Variants in PLXNB2 observed in about 807,000 individuals in gnomAD.
PLXNB2 encodes plexin B2, also known as plexin-B2.
Under a neutral mutation model 202.6 loss-of-function variants are expected in PLXNB2, and 85 were observed. The ratio of observed to expected loss-of-function variants is 0.42; its 90% CI spans 0.35 to 0.50. The LOEUF is 0.50. PLXNB2 is among the 20% of genes least tolerant of loss of function. The pLI, the probability that PLXNB2 is intolerant of heterozygous loss-of-function variation, is 0.02. For synonymous variants in PLXNB2, 1,239 were observed against 1,137.6 expected (o/e 1.09, Z -1.79); for missense variants, 2,063 against 2,586.2 (o/e 0.80, Z 4.39).
chr22:50,283,525 C>CA (rs2066180672), intron 15 of PLXNB2, 77 bp downstream of exon 15: 5 of 1,561,222 alleles, frequency 3.2e-6, no homozygotes, highest in Non-Finnish European at 1.7e-6. Context: ...TCAGCCTCCC[C>CA]ACCCACCCAG....
chr22:50,283,787 A>G (rs766915119), intron 14 of PLXNB2, 37 bp from the exon 15 acceptor site: 31 of 1,612,558 alleles, frequency 1.9e-5, no homozygotes, highest in Non-Finnish European at 2.4e-5. Context: ...GGAGGGGCTC[A>G]TGCCAGGGAC....
chr22:50,279,675 G>T lies in PLXNB2; in HGVS notation c.4344C>A (p.Leu1448=), dbSNP rs149176335. ...DAVQKKAKYT[L]NDTGLLGDDV... Reference sequence around the variant, plus strand: ...CATCCCCCAGCAGCCCCGTGTCGTTGAGAGTGTACTTGGCCTTCTTCTGTA... The same window carrying T: ...CATCCCCCAGCAGCCCCGTGTCGTTTAGAGTGTACTTGGCCTTCTTCTGTA... The change falls in exon 27 of 37, where the codon CTC becomes CTA. Residue 1448 remains leucine, a synonymous_variant. Transcript: ENST00000359337. 1 of 1,614,016 alleles carries T rather than the reference G, an allele frequency of 6.2e-7. No homozygotes were observed. Among genetic ancestry groups the T allele is most frequent in the Non-Finnish European group, 8.5e-7 (1 of 1,179,978 alleles).
In PLXNB2 at chr22:50,288,269, G is replaced by A. The variant is rs2066615693; in HGVS notation, c.1381-232C>T. ...GGTCTTGGCTATGGTGTCTCCCGGG[G>A]CAGCTCCTGTCCTCTACACTGGCTC... On this transcript the variant is annotated intron_variant, in intron 5 of 36. Transcript: ENST00000359337. The surrounding 1 kb of genome is among the most constrained non-coding windows in gnomAD (Gnocchi z 5.0). Among the ~76,000 whole-genome samples, 1 of 152,132 alleles carries A rather than the reference G, an allele frequency of 6.6e-6. No homozygotes were observed. Among genetic ancestry groups the A allele is most frequent in the Admixed American group, 6.5e-5 (1 of 15,276 alleles).
rs2067143633 is a variant in PLXNB2, at chr22:50,294,845, G to A, written c.-73-67C>T. 5.0e-6 allele frequency: 4 copies of A among 802,694 alleles called. No individual in the cohort carries two copies. In the Admixed American group the frequency reaches 1.9e-4, roughly 38 times the overall value. 49.7% of individuals were successfully genotyped at this position (802,694 alleles called of 1,614,324 possible). A position where few individuals can be genotyped will look rare whatever the true frequency, so the allele number is the denominator to read the frequency against. On this transcript the variant is annotated intron_variant, in intron 1 of 36. Coordinates refer to ENST00000359337, the MANE Select transcript of PLXNB2 (RefSeq NM_012401.4). ...GTCTGCTGTGGAGCCCCCCACCTCT[G>A]TCCCATGCTGGTGGGGCTTGGGGGA...
At chr22:50,292,869 C>T (rs2066982230) in intron 2 of PLXNB2, among the ~76,000 whole-genome samples, 1 of 152,242 alleles carries the variant, frequency 6.6e-6, no homozygotes, top group Non-Finnish European at 1.5e-5. Context: ...CCTTCCTGCT[C>T]CCTGGGAGTG....
rs751131363 is a variant in PLXNB2, at chr22:50,289,048, C to A, written c.1163G>T (p.Gly388Val). 1 of 1,609,150 alleles carries A rather than the reference C, an allele frequency of 6.2e-7. No individual in the cohort carries two copies. Among genetic ancestry groups the A allele is most frequent in the Non-Finnish European group, 8.5e-7 (1 of 1,177,962 alleles). The change falls in exon 4 of 37, where the codon GGA (glycine) becomes GTA (valine). Residue 388 changes from glycine (G) to valine (V), a missense_variant. By Grantham distance (109) the Gly-to-Val change is moderately radical (BLOSUM62 -3). Transcript: ENST00000359337. The surrounding 1 kb of genome is among the most constrained non-coding windows in gnomAD (Gnocchi z 8.0). ...GLRGTAVLQRGGLNLTAVTVA... is the reference protein window; with the variant it reads ...GLRGTAVLQRVGLNLTAVTVA... Reference sequence around the variant, plus strand: ...CGTCACGGCCGTGAGGTTCAGGCCTCCACGCTGCAGCACGGCTGTGCCTCT... The same window carrying A: ...CGTCACGGCCGTGAGGTTCAGGCCTACACGCTGCAGCACGGCTGTGCCTCT...
Position 50,275,748 on chromosome 22 carries a change from G to T in PLXNB2, c.5473C>A (p.Gln1825Lys). Residue 1825 changes from glutamine to lysine, a missense_variant, in exon 37 of 37, where the codon CAG (glutamine) becomes AAG (lysine). Gln to Lys is a moderately conservative substitution (Grantham distance 53, BLOSUM62 1). Coordinates refer to ENST00000359337, the MANE Select transcript of PLXNB2 (RefSeq NM_012401.4). ...TTCTCCAGTGCAGCGGCAATCTGCT[G>T]CAGGCGGAAGGCCAGCTGCATCTTC... The part of the protein sequence containing the change: ...AQKMQLAFRL[Q>K]QIAAALENKV... 1 of 1,612,090 alleles carries T rather than the reference G, an allele frequency of 6.2e-7. No individual in the cohort carries two copies. Among genetic ancestry groups the T allele is most frequent in the South Asian group, 1.1e-5 (1 of 91,066 alleles).
At position 50,277,969 on chromosome 22, in the gene PLXNB2, C is replaced by G; in HGVS notation, c.4932G>C (p.Leu1644=). 2.5e-6 allele frequency: 4 copies of G among 1,613,016 alleles called. No individual in the cohort carries two copies. The highest frequency in any genetic ancestry group is 3.4e-6 in the Non-Finnish European group (4 of 1,179,840). The part of the protein sequence containing the change: ...QFVDNFFQSV[L]APGHAVPPAV... The stretch of plus-strand genomic sequence containing the variant: ...CAGGTGGCACCGCGTGCCCAGGCGC[C>G]AGCACGCTCTGGAAGAAGTTGTCCA... Residue 1644 remains leucine (L), a synonymous_variant, in exon 32 of 37, where the codon CTG becomes CTC. Transcript: ENST00000359337.
chr22:50,299,313 CGGTG>C (rs2067508793), intron 1 of PLXNB2, among the ~76,000 whole-genome samples: 2 of 44,476 alleles, frequency 4.5e-5, no homozygotes, highest in South Asian at 8.1e-4. Flanking sequence ...GGGGGGGGCC[CGGTG>C]CGGGGGCGGG....
chr22:50,307,388 G>A (rs2067928159), intron 1 of PLXNB2, among the ~76,000 whole-genome samples, 165 bp downstream of exon 1: 3 of 151,398 alleles, frequency 2.0e-5, no homozygotes, highest in African/African-American at 7.3e-5. Flanking sequence ...CTCGCCGGAT[G>A]GACCGACGGA....
chr22:50,277,156 C>G (rs750803077), intron 33 of PLXNB2, among the ~76,000 whole-genome samples: 1 of 152,126 alleles, frequency 6.6e-6, no homozygotes, highest in Admixed American at 6.5e-5. Flanking sequence ...AAAATACTAG[C>G]CGTGCGTTGT....
intron 2 of PLXNB2, 127 bp from the exon 3 acceptor site, chr22:50,290,724 C>T: frequency 2.9e-6 from 3 of 1,022,888 alleles, no homozygotes; most frequent in Middle Eastern, 3.2e-4. Flanking sequence ...AACTGAGGAA[C>T]CTGGAGCTCC....
intron 25 of PLXNB2, 133 bp downstream of exon 25, chr22:50,280,356 C>T (rs2065899614): frequency 1.2e-6 from 1 of 828,756 alleles, no homozygotes; most frequent in Non-Finnish European, 1.8e-6. Flanking sequence ...CTAGACCGCC[C>T]CCCACCACCA....
chr22:50,287,596 T>A, intron 7 of PLXNB2, 71 bp downstream of exon 7: 1 of 1,413,616 alleles, frequency 7.1e-7, no homozygotes, highest in Non-Finnish European at 9.5e-7. Flanking sequence ...TCCCAACAGC[T>A]CCCAGCATGG....
In PLXNB2 at chr22:50,283,209, C is replaced by T. The variant is rs770421587; in HGVS notation, c.2680-23G>A. On this transcript the variant is annotated intron_variant, in intron 16 of 36. Transcript: ENST00000359337. ...CTGCTGAAAGAGCCGCAGGGGCACT[C>T]GGGTGAGGACGGGGCACAGGACGCC... 61 of 1,598,348 alleles carry T rather than the reference C, an allele frequency of 3.8e-5. No individual in the cohort carries two copies. The Middle Eastern group carries it at 6.7e-4, about 18-fold the overall frequency.
Position 50,280,649 on chromosome 22 carries a change from G to T in PLXNB2, c.4015C>A (p.Gln1339Lys). The T allele has an allele frequency of 2.5e-6, 4 of 1,612,438 alleles. No homozygotes were observed. Among genetic ancestry groups the T allele is most frequent in the Non-Finnish European group, 3.4e-6 (4 of 1,179,772 alleles). The stretch of plus-strand genomic sequence containing the variant: ...TTGGCGCGGGCCGAGAACTCCCGCT[G>T]GTTCTCCAGGGTGTGGATGAACTGT... Reference protein sequence around the residue: ...LINFIHTLENQREFSARAKVY... With the variant: ...LINFIHTLENKREFSARAKVY... The change falls in exon 25 of 37, where the codon CAG becomes AAG. Residue 1339 changes from glutamine to lysine, a missense_variant. By Grantham distance (53) the Gln-to-Lys change is moderately conservative. This residue lies in a region of PLXNB2 where 760 missense variants were observed against 1,109.4 expected (regional missense o/e 0.69). Transcript: ENST00000359337.
chr22:50,291,679 G>A lies in PLXNB2; in HGVS notation c.-13-1082C>T, dbSNP rs1043308858. On this transcript the variant is annotated intron_variant, in intron 2 of 36. Transcript: ENST00000359337. The surrounding 1 kb of genome is among the most constrained non-coding windows in gnomAD (Gnocchi z 4.3). ...TCTGAGCTCTTCCTCAGGGTGGTCC[G>A]TCCCTCTCACGCTAGGGACCCTGCT... is the stretch of plus-strand genomic sequence containing the variant. 2.6e-5 allele frequency among the ~76,000 whole-genome samples: 4 copies of A among 152,022 alleles called. No homozygotes were observed. Among genetic ancestry groups the A allele is most frequent in the Admixed American group, 6.6e-5 (1 of 15,264 alleles).
chr22:50,296,193 TACACACAC>T (rs58616888), intron 1 of PLXNB2, among the ~76,000 whole-genome samples: 29 of 139,420 alleles, frequency 2.1e-4, no homozygotes, highest in South Asian at 9.5e-4. Context: ...TCTCAAAAAA[TACACACAC>T]ACACACACAC....
intron 18 of PLXNB2, 181 bp downstream of exon 18, chr22:50,282,530 C>G: frequency 1.5e-6 from 1 of 671,874 alleles, no homozygotes; most frequent in Non-Finnish European, 2.5e-6. Flanking sequence ...CGTGGAGCCT[C>G]TGGTGTGCCC....
Sources: allele counts gnomAD v4.1 joint callset (sites outside exome capture counted in the v4.1 genomes callset), GRCh38; gene constraint gnomAD v4.1.1; regional missense constraint gnomAD v4.1.1; non-coding constraint Gnocchi (gnomAD v3.1); transcripts MANE v1.5; gene names NCBI Gene and HGNC (gene_info 2026-07-23, HGNC 2026-07-21).